PISD: variants seen among roughly 807,000 people sequenced by gnomAD.
The protein encoded by PISD is phosphatidylserine decarboxylase.
A neutral mutation model predicts 43.5 loss-of-function variants in PISD; 31 were observed. The observed-to-expected ratio is 0.71, with a 90% CI of 0.54 to 0.96. PISD has a LOEUF of 0.96. Ranked by LOEUF, PISD falls within the 40% of genes least tolerant of loss-of-function variation. The pLI, the probability that PISD is intolerant of heterozygous loss-of-function variation, is 0.00. For missense variants in PISD, 523 were observed against 548.4 expected, an observed-to-expected ratio of 0.95 and a Z score of 0.46; for synonymous variants, 259 against 228.7, an observed-to-expected ratio of 1.13 and a Z score of -1.20.
intron 1 of PISD, among the ~76,000 whole-genome samples, chr22:31,661,506 T>C (rs2074315771): frequency 1.3e-5 from 2 of 152,116 alleles, no homozygotes; most frequent in East Asian, 1.9e-4. Context: ...GGTACCTTGA[T>C]GGGGGTCCGG....
chr22:31,624,804 C>T (rs2072805769), intron 3 of PISD, among the ~76,000 whole-genome samples: 1 of 152,000 alleles, frequency 6.6e-6, no homozygotes, highest in Non-Finnish European at 1.5e-5. Flanking sequence ...GTGATCCGGC[C>T]TCTCCCCACC....
rs981561358 is a variant in PISD at position 31,619,653 on chromosome 22, C to T, written c.1189G>A (p.Gly397Arg). 1.2e-6 allele frequency: 2 copies of T among 1,614,232 alleles called. No homozygotes were observed. Among genetic ancestry groups the T allele is most frequent in the Non-Finnish European group, 8.5e-7 (1 of 1,180,042 alleles). ...GCTTCCCCAAAGCGGATTTTCTGTC[C>T]TGTTTTCAGCTGGAAATTGAAGTCC... is the stretch of plus-strand genomic sequence containing the variant. ...PKDFNFQLKT[G>R]QKIRFGEALG... Residue 397 changes from glycine to arginine, a missense_variant, in exon 8 of 8, where the codon GGA becomes AGA. Transcript: ENST00000439502.
intron 3 of PISD, chr22:31,629,184 A>T (rs2073067004): frequency 2.0e-6 from 2 of 985,244 alleles, no homozygotes; most frequent in Admixed American, 6.1e-5. Context: ...ACCCCAGGCC[A>T]GGCAGCAGTT....
chr22:31,651,672 C>T (rs1005041774), intron 1 of PISD, among the ~76,000 whole-genome samples: 8 of 151,886 alleles, frequency 5.3e-5, no homozygotes, highest in African/African-American at 1.7e-4. Context: ...CACTTGAACC[C>T]GGGAGGCAGA....
rs555104530 is a variant in PISD, at chr22:31,620,102, G to A, written c.1006-266C>T. 2.6e-5 allele frequency among the ~76,000 whole-genome samples: 4 copies of A among 152,368 alleles called. No individual in the cohort carries two copies. In the East Asian group the frequency reaches 5.8e-4, roughly 22 times the overall value. On this transcript the variant is annotated intron_variant, in intron 7 of 7. Coordinates refer to ENST00000439502, the MANE Select transcript of PISD (RefSeq NM_001326411.2). ...GTGGTCTCCATGCATGGTGCTGGGA[G>A]AGCAGCACCCGTGGGAGCCAAGGCC...
At chr22:31,637,204 T>TATATATATATAC (rs1267117734) in intron 3 of PISD, among the ~76,000 whole-genome samples, 2 of 95,796 alleles carry the variant, frequency 2.1e-5, no homozygotes, top group African/African-American at 8.7e-5. Flanking sequence ...TATATATATA[T>TATATATATATAC]ATAGAAAAAT....
intron 3 of PISD, chr22:31,628,793 G>GA (rs1232208490): frequency 1.0e-6 from 1 of 983,396 alleles, no homozygotes; most frequent in Non-Finnish European, 1.2e-6. Flanking sequence ...CAACTGCTCA[G>GA]AAACCCCACT....
chr22:31,625,617 C>T (rs2072863278), intron 3 of PISD: 14 of 1,036,888 alleles, frequency 1.4e-5, no homozygotes, highest in Non-Finnish European at 2.0e-5. Flanking sequence ...GCTCAGGCCC[C>T]CCAGGCCAGG....
intron 3 of PISD, chr22:31,629,368 G>C (rs1463899493): frequency 4.7e-6 from 1 of 214,526 alleles, no homozygotes; most frequent in Non-Finnish European, 7.7e-6. Flanking sequence ...TGTGTGTAGG[G>C]GGTGTGTAGG....
chr22:31,625,138 A>G (rs1272829499), intron 3 of PISD, among the ~76,000 whole-genome samples: 1 of 152,234 alleles, frequency 6.6e-6, no homozygotes. Context: ...ACCAAGGAAC[A>G]AAGCAGCATC....
rs947936260 is a variant in PISD at position 31,619,293 on chromosome 22, G to A, written c.*319C>T. On this transcript the variant is annotated 3_prime_UTR_variant, in exon 8 of 8. Transcript: ENST00000439502. Reference sequence around the variant, plus strand: ...AAAACGACAACCGAGACCAACTGAAGGTTCGGTCAGGAATGCAGGCTCTTC... The same window carrying A: ...AAAACGACAACCGAGACCAACTGAAAGTTCGGTCAGGAATGCAGGCTCTTC... 1 of 362,096 alleles carries A rather than the reference G, an allele frequency of 2.8e-6. No homozygotes were observed. Among genetic ancestry groups the A allele is most frequent in the Non-Finnish European group, 5.3e-6 (1 of 187,994 alleles). The allele number at this position is 362,096 out of a possible 1,614,324, so 22.4% of individuals were successfully genotyped here. A position where few individuals can be genotyped will look rare whatever the true frequency, so the allele number is the denominator to read the frequency against.
upstream of PISD, chr22:31,662,240 C>T (rs1446853715): frequency 1.3e-6 from 2 of 1,593,862 alleles, no homozygotes; most frequent in Non-Finnish European, 1.7e-6. Flanking sequence ...TGCCACGCCC[C>T]CTTCACACGC....
At chr22:31,620,117 G>A (rs2147606397) in intron 7 of PISD, among the ~76,000 whole-genome samples, 1 of 152,320 alleles carries the variant, frequency 6.6e-6, no homozygotes, top group South Asian at 2.1e-4. Flanking sequence ...GCACCCGTGG[G>A]AGCCAAGGCC....
intron 3 of PISD, among the ~76,000 whole-genome samples, chr22:31,622,529 T>G (rs1273368635): frequency 1.3e-5 from 2 of 152,290 alleles, no homozygotes; most frequent in East Asian, 3.9e-4. Context: ...ATGCAGCCAG[T>G]CTGAGAAGCC....
In PISD at chr22:31,619,506, C is replaced by T. The variant is rs145910827; in HGVS notation, c.*106G>A. ...TCCTACCTGGTCAGACTCCCAACCA[C>T]GCTGAGGCAGGCCCTTACCTGGATG... On this transcript the variant is annotated 3_prime_UTR_variant, in exon 8 of 8. Transcript: ENST00000439502. 6.2e-5 allele frequency: 53 copies of T among 856,306 alleles called. No homozygotes were observed. The highest frequency in any genetic ancestry group is 2.5e-4 in the African/African-American group (15 of 60,316). 53.0% of individuals were successfully genotyped at this position (856,306 alleles called of 1,614,324 possible).
intron 3 of PISD, among the ~76,000 whole-genome samples, chr22:31,629,482 C>T (rs1468322742): frequency 2.2e-5 from 3 of 137,958 alleles, no homozygotes; most frequent in Non-Finnish European, 3.1e-5. Flanking sequence ...GAGGCATGTG[C>T]GTAGGTGTGA....
At chr22:31,636,080 G>A (rs559460670) in intron 3 of PISD, among the ~76,000 whole-genome samples, 4 of 152,330 alleles carry the variant, frequency 2.6e-5, no homozygotes, top group African/African-American at 7.2e-5. Flanking sequence ...GAACACGTCC[G>A]ATACTGCCCA....
intron 1 of PISD, among the ~76,000 whole-genome samples, chr22:31,651,520 G>A (rs750522938): frequency 1.3e-5 from 2 of 151,964 alleles, no homozygotes; most frequent in Admixed American, 6.6e-5. Context: ...AGGCCGAGGC[G>A]GGCAGATCAC....
chr22:31,623,043 TG>T (rs2072670895), intron 3 of PISD, among the ~76,000 whole-genome samples: 1 of 152,208 alleles, frequency 6.6e-6, no homozygotes, highest in African/African-American at 2.4e-5. Context: ...GGTGGGAGCC[TG>T]GGCTAATGTC....
Sources: allele counts gnomAD v4.1 joint callset (sites outside exome capture counted in the v4.1 genomes callset), GRCh38; gene constraint gnomAD v4.1.1; transcripts MANE v1.5; gene names NCBI Gene and HGNC (gene_info 2026-07-23, HGNC 2026-07-21).